SALL4: variants seen among roughly 807,000 people sequenced by gnomAD.
SALL4 encodes spalt like transcription factor 4, also known as sal-like protein 4.
A neutral mutation model predicts 60.8 loss-of-function variants in SALL4; 4 were observed. That is an observed-to-expected ratio of 0.07 (90% CI 0.03 to 0.15). SALL4 has a LOEUF of 0.15. SALL4 is among the 10% of genes least tolerant of loss of function. The pLI is 1.00. For synonymous variants in SALL4, 580 were observed against 574.9 expected, an observed-to-expected ratio of 1.01 and a Z score of -0.13; for missense variants, 1,178 against 1,394.7, an observed-to-expected ratio of 0.84 and a Z score of 2.48.
At position 51,792,320 on chromosome 20, in the gene SALL4, C is replaced by T. The variant is rs2078052222; in HGVS notation, c.163G>A (p.Val55Met). Residue 55 changes from valine (V) to methionine (M), a missense_variant, in exon 2 of 4, where the codon GTG becomes ATG. Val to Met is a conservative substitution (Grantham distance 21). Coordinates refer to ENST00000217086, the MANE Select transcript of SALL4 (RefSeq NM_020436.5). The part of the protein sequence containing the change: ...APVNHPGNDE[V>M]ASEDEATVKR... ...ACTGTGGCTTCATCCTCACTCGCCA[C>T]CTCGTCATTCCCTGGGTGGTTCACT... 6.2e-7 allele frequency: 1 copy of T among 1,605,972 alleles called. No homozygotes were observed. Among genetic ancestry groups the T allele is most frequent in the Admixed American group, 1.7e-5 (1 of 59,990 alleles).
In SALL4 at chr20:51,789,139, G is replaced by C; in HGVS notation, c.2464C>G (p.Arg822Gly). The part of the protein sequence containing the change: ...SENSRTEMEG[R>G]SSLPSTFIRA... Reference sequence around the variant, plus strand: ...ATAAACGTGGAAGGGAGACTGCTCCGACCTAGTACACAGAGGGGAAAAAAG... The same window carrying C: ...ATAAACGTGGAAGGGAGACTGCTCCCACCTAGTACACAGAGGGGAAAAAAG... Residue 822 changes from arginine (R) to glycine (G), a missense_variant and splice_region_variant, in exon 3 of 4, where the codon CGG becomes GGG. By Grantham distance (125) the Arg-to-Gly change is moderately radical. This residue lies in a region of SALL4 where 853 missense variants were observed against 1,036.8 expected (regional missense o/e 0.82). Transcript: ENST00000217086. 1 of 1,613,910 alleles carries C rather than the reference G, an allele frequency of 6.2e-7. No homozygotes were observed. The highest frequency in any genetic ancestry group is 8.5e-7 in the Non-Finnish European group (1 of 1,179,856).
Position 51,791,916 on chromosome 20 carries a change from G to C in SALL4, c.567C>G (p.Thr189=). Residue 189 remains threonine (T), a synonymous_variant, in exon 2 of 4, where the codon ACC becomes ACG. Coordinates refer to ENST00000217086, the MANE Select transcript of SALL4 (RefSeq NM_020436.5). The surrounding 1 kb of genome is among the most constrained non-coding windows in gnomAD (Gnocchi z 4.6). ...TNVTLQALRG[T]KVAVNQRSAD... The stretch of plus-strand genomic sequence containing the variant: ...CGCTCCGCTGATTCACCGCCACCTT[G>C]GTGCCCCGTAGTGCCTGCAAGGTCA... 6.2e-7 allele frequency: 1 copy of C among 1,614,242 alleles called. No individual in the cohort carries two copies. The highest frequency in any genetic ancestry group is 8.5e-7 in the Non-Finnish European group (1 of 1,180,040).
rs1431452302 is a variant in SALL4, at chr20:51,788,898, A to G, written c.2705T>C (p.Ile902Thr). 3 of 1,614,054 alleles carry G rather than the reference A, an allele frequency of 1.9e-6. No individual in the cohort carries two copies. The part of the protein sequence containing the change: ...HTGEKPFVCN[I>T]CGRAFTTKGN... ...TTTGGTGGTAAAAGCTCGCCCACAA[A>G]TGTTGCACACAAAAGGCTTCTCTCC... The change falls in exon 3 of 4, where the codon ATT (isoleucine) becomes ACT (threonine). Residue 902 changes from isoleucine (I) to threonine (T), a missense_variant. Ile to Thr is a moderately conservative substitution (Grantham distance 89). Transcript: ENST00000217086. This position sits in a 1 kb window ranked among gnomAD's most constrained non-coding sequence, Gnocchi z 4.1.
intron 1 of SALL4, among the ~76,000 whole-genome samples, chr20:51,799,550 G>A (rs1169265403): frequency 2.0e-5 from 3 of 152,206 alleles, no homozygotes; most frequent in Non-Finnish European, 2.9e-5. Flanking sequence ...TCAACAAAAG[G>A]AGCTGTTTGG....
Position 51,801,743 on chromosome 20 carries a change from C to A in SALL4, c.130+536G>T, listed in dbSNP as rs1317868923. Reference sequence around the variant, plus strand: ...GGTGGGGAGAGGTCGCGCCCCCTCCCCCCACTTGGCCCGGGAGGGGCGCGT... The same window carrying A: ...GGTGGGGAGAGGTCGCGCCCCCTCCACCCACTTGGCCCGGGAGGGGCGCGT... On this transcript the variant is annotated intron_variant, in intron 1 of 3. Transcript: ENST00000217086. The surrounding 1 kb of genome is among the most constrained non-coding windows in gnomAD (Gnocchi z 5.2). Among the ~76,000 whole-genome samples, 2 of 152,090 alleles carry A rather than the reference C, an allele frequency of 1.3e-5. No individual in the cohort carries two copies. Among genetic ancestry groups the A allele is most frequent in the African/African-American group, 4.8e-5 (2 of 41,446 alleles).
At position 51,791,041 on chromosome 20, in the gene SALL4, G is replaced by A. The variant is rs1220918485; in HGVS notation, c.1442C>T (p.Thr481Ile). The change falls in exon 2 of 4, where the codon ACC (threonine) becomes ATC (isoleucine). Residue 481 changes from threonine to isoleucine, a missense_variant. Around this residue, in one of 5 missense-constraint regions of SALL4, gnomAD observed 853 missense variants for 1,036.8 expected, o/e 0.82. Transcript: ENST00000217086. The surrounding 1 kb of genome is among the most constrained non-coding windows in gnomAD (Gnocchi z 4.6). Reference sequence around the variant, plus strand: ...AAGATTCTGAGGTAGCCCTACAGAGGTGGTTACAAGGACAGGTTTGCTGTC... The same window carrying A: ...AAGATTCTGAGGTAGCCCTACAGAGATGGTTACAAGGACAGGTTTGCTGTC... Reference protein sequence around the residue: ...SLDSKPVLVTTSVGLPQNLSS... With the variant: ...SLDSKPVLVTISVGLPQNLSS... 6.2e-7 allele frequency: 1 copy of A among 1,614,170 alleles called. No homozygotes were observed. The highest frequency in any genetic ancestry group is 8.5e-7 in the Non-Finnish European group (1 of 1,180,030).
chr20:51,798,751 G>C (rs2078093354), intron 1 of SALL4, among the ~76,000 whole-genome samples: 1 of 151,876 alleles, frequency 6.6e-6, no homozygotes, highest in African/African-American at 2.4e-5. Flanking sequence ...AACCCAACCA[G>C]CCAAGCACCA....
intron 1 of SALL4, among the ~76,000 whole-genome samples, chr20:51,797,776 T>C (rs2078087541): frequency 7.6e-6 from 1 of 131,794 alleles, no homozygotes; most frequent in Non-Finnish European, 1.5e-5. Flanking sequence ...AAGAATGCAG[T>C]AAACCCAGCA....
In SALL4 at chr20:51,786,089, GTTTTT is replaced by G. The variant is rs763670225; in HGVS notation, c.2743-1410_2743-1406del. 6.8e-3 allele frequency among the ~76,000 whole-genome samples: 865 copies of G among 127,348 alleles called. 11 individuals carry two copies. Among genetic ancestry groups the G allele is most frequent in the African/African-American group, 0.025 (823 of 32,888 alleles). 83.5% of individuals were successfully genotyped at this position (127,348 alleles called of 152,430 possible). The stretch of plus-strand genomic sequence containing the variant: ...TGCACACCACCATGCCCAGCTAATT[GTTTTT>G]TTTTTTTTTTGAGACAGAGTCTCGC... On this transcript the variant is annotated intron_variant, in intron 3 of 3. Transcript: ENST00000217086.
In SALL4 at chr20:51,782,604, C is replaced by T. The variant is rs1047381504; in HGVS notation, c.*1661G>A. ...GGCGGAATCCTAAAGTCAGGTGCAACGATGAAGAGACAACACTTTGGCTAA... is the reference window on the plus strand; with the variant it reads ...GGCGGAATCCTAAAGTCAGGTGCAATGATGAAGAGACAACACTTTGGCTAA... On this transcript the variant is annotated 3_prime_UTR_variant, in exon 4 of 4. Transcript: ENST00000217086. 6.9e-5 allele frequency: 10 copies of T among 145,564 alleles called. No individual in the cohort carries two copies. In the Admixed American group the frequency reaches 6.9e-4, roughly 10 times the overall value. The allele number at this position is 145,564 out of a possible 1,614,324, so 9.0% of individuals were successfully genotyped here.
chr20:51,783,955 G>A lies in SALL4; in HGVS notation c.*310C>T. 8.3e-6 allele frequency: 3 copies of A among 360,708 alleles called. No individual in the cohort carries two copies. The highest frequency in any genetic ancestry group is 1.6e-5 in the Non-Finnish European group (3 of 189,134). 22.3% of individuals were successfully genotyped at this position (360,708 alleles called of 1,614,324 possible). ...GAATCACTTGAACCCAGAATGGGGA[G>A]GTTGCAGTGAGCCGAGATCATGCCA... On this transcript the variant is annotated 3_prime_UTR_variant, in exon 4 of 4. Transcript: ENST00000217086.
Position 51,782,375 on chromosome 20 carries a change from G to T in SALL4, c.*1890C>A, listed in dbSNP as rs966019433. 6.6e-6 allele frequency: 1 copy of T among 152,004 alleles called. No homozygotes were observed. The highest frequency in any genetic ancestry group is 2.1e-4 in the South Asian group (1 of 4,830). The allele number at this position is 152,004 out of a possible 1,614,324, so 9.4% of individuals were successfully genotyped here. ...AATTTTATTTTCCAACAGACAGACAGCATCAGCAGGTACAACTACAGGGGT... is the reference window on the plus strand; with the variant it reads ...AATTTTATTTTCCAACAGACAGACATCATCAGCAGGTACAACTACAGGGGT... On this transcript the variant is annotated 3_prime_UTR_variant, in exon 4 of 4. Transcript: ENST00000217086.
At chr20:51,797,614 T>C (rs2078086323) in intron 1 of SALL4, 1 of 152,000 alleles carries the variant, frequency 6.6e-6, no homozygotes, top group Non-Finnish European at 1.5e-5. Context: ...TTATGAACAA[T>C]TGCTGGGCAT....
rs1237774976 is a variant in SALL4, at chr20:51,791,542, G to A, written c.941C>T (p.Thr314Ile). Residue 314 changes from threonine (T) to isoleucine (I), a missense_variant, in exon 2 of 4, where the codon ACT becomes ATT. Transcript: ENST00000217086. This position sits in a 1 kb window ranked among gnomAD's most constrained non-coding sequence, Gnocchi z 4.6. The stretch of plus-strand genomic sequence containing the variant: ...CACCCGGGTCCCATCCGGCTTCAGA[G>A]TGAAGGGTGCCAGCCCTGGGGACAG... ...SSLSPGLAPF[T>I]LKPDGTRVLP... 6.2e-7 allele frequency: 1 copy of A among 1,613,918 alleles called. No individual in the cohort carries two copies. The highest frequency in any genetic ancestry group is 1.1e-5 in the South Asian group (1 of 91,084).
At position 51,784,695 on chromosome 20, in the gene SALL4, A is replaced by G; in HGVS notation, c.2743-11T>C. 1 of 1,614,216 alleles carries G rather than the reference A, an allele frequency of 6.2e-7. No individual in the cohort carries two copies. The highest frequency in any genetic ancestry group is 8.5e-7 in the Non-Finnish European group (1 of 1,180,020). On this transcript the variant is annotated splice_polypyrimidine_tract_variant and intron_variant, in intron 3 of 3. Transcript: ENST00000217086. ...TGTCATGTAGTGAACCTATGGGAACAGGACAGAAAGGTTTTTACCAAAATA... is the reference window on the plus strand; with the variant it reads ...TGTCATGTAGTGAACCTATGGGAACGGGACAGAAAGGTTTTTACCAAAATA...
At chr20:51,792,477 TTG>T (rs1259377977) in intron 1 of SALL4, 125 bp from the exon 2 acceptor site, 10 of 1,226,098 alleles carry the variant, frequency 8.2e-6, no homozygotes, top group Non-Finnish European at 1.2e-5. Flanking sequence ...TCACCTGAGG[TTG>T]GGAATTCAAG....
rs572348953 is a variant in SALL4 at position 51,801,173 on chromosome 20, G to A, written c.130+1106C>T. On this transcript the variant is annotated intron_variant, in intron 1 of 3. Coordinates refer to ENST00000217086, the MANE Select transcript of SALL4 (RefSeq NM_020436.5). This position sits in a 1 kb window ranked among gnomAD's most constrained non-coding sequence, Gnocchi z 5.2. ...TTATCAGGCGACAATTTGGCGGGCC[G>A]GGATGGAGACGAGATAGTGGAAAAC... Among the ~76,000 whole-genome samples the A allele has an allele frequency of 2.9e-4, 44 of 152,232 alleles. No homozygotes were observed. Among genetic ancestry groups the A allele is most frequent in the South Asian group, 6.2e-4 (3 of 4,818 alleles).
intron 1 of SALL4, chr20:51,793,002 T>A (rs1253203478): frequency 1.0e-6 from 1 of 983,562 alleles, no homozygotes; most frequent in Non-Finnish European, 1.2e-6. Flanking sequence ...ACACAAGACA[T>A]TCACACGAGC....
In SALL4 at chr20:51,790,722, G is replaced by C. The variant is rs760813978; in HGVS notation, c.1761C>G (p.Thr587=). 13 of 1,614,114 alleles carry C rather than the reference G, an allele frequency of 8.1e-6. No individual in the cohort carries two copies. The highest frequency in any genetic ancestry group is 5.5e-5 in the South Asian group (5 of 91,082). ...ACTGGAACGGTCTCTCCCCGGTGTGGGTGCGATAATGCATCTTGAGGGAGC... is the reference window on the plus strand; with the variant it reads ...ACTGGAACGGTCTCTCCCCGGTGTGCGTGCGATAATGCATCTTGAGGGAGC... ...CQSSLKMHYR[T]HTGERPFQCK... The change falls in exon 2 of 4, where the codon ACC becomes ACG. Residue 587 remains threonine (T), a synonymous_variant. Coordinates refer to ENST00000217086, the MANE Select transcript of SALL4 (RefSeq NM_020436.5). The surrounding 1 kb of genome is among the most constrained non-coding windows in gnomAD (Gnocchi z 5.5).
Sources: allele counts gnomAD v4.1 joint callset (sites outside exome capture counted in the v4.1 genomes callset), GRCh38; gene constraint gnomAD v4.1.1; regional missense constraint gnomAD v4.1.1; non-coding constraint Gnocchi (gnomAD v3.1); transcripts MANE v1.5; gene names NCBI Gene and HGNC (gene_info 2026-07-23, HGNC 2026-07-21).